Variants in SGCD observed in about 807,000 individuals in gnomAD.
SGCD encodes delta-sarcoglycan.
SGCD carries 18 observed loss-of-function variants against 36.6 expected under a neutral mutation model. The ratio of observed to expected loss-of-function variants is 0.49; its 90% CI spans 0.34 to 0.73. SGCD has a LOEUF of 0.73. Among genes scored for constraint, SGCD ranks in the 30% least tolerant of loss-of-function variants. SGCD has a pLI of 0.01. For synonymous variants in SGCD, 133 were observed against 130.6 expected (o/e 1.02, Z -0.12); for missense variants, 387 against 346.7 (o/e 1.12, Z -0.92).
At chr5:155,749,360 T>C in the SGCD span, among the ~76,000 whole-genome samples, 45 of 152,228 alleles carry the variant, frequency 3.0e-4, no homozygotes, top group African/African-American at 1.1e-3. Context: ...CATCAAGGTA[T>C]AACTCTTAGT....
At chr5:156,159,987 C>A (rs1000480499) in intron 3 of SGCD, among the ~76,000 whole-genome samples, 5 of 151,466 alleles carry the variant, frequency 3.3e-5, no homozygotes, top group African/African-American at 1.2e-4. Flanking sequence ...AAGAAAATAG[C>A]AAATTGTGGG....
intron 1 of SGCD, among the ~76,000 whole-genome samples, chr5:155,939,859 A>C (rs1357013838): frequency 7.1e-6 from 1 of 141,002 alleles, no homozygotes; most frequent in African/African-American, 2.7e-5. Context: ...TTTTTGACGG[A>C]GTCTCGCTCT....
chr5:156,369,188 T>C (rs1032911851), intron 3 of SGCD, among the ~76,000 whole-genome samples: 3 of 152,240 alleles, frequency 2.0e-5, no homozygotes, highest in Admixed American at 6.5e-5. Flanking sequence ...ATGATTTTTT[T>C]TCACCTACCC....
At chr5:155,780,881 T>C in the SGCD span, among the ~76,000 whole-genome samples, 2 of 152,164 alleles carry the variant, frequency 1.3e-5, no homozygotes, top group Admixed American at 1.3e-4. Flanking sequence ...GAGTCTGACA[T>C]TATCAAAATG....
chr5:156,018,403 G>A (rs1057424246), intron 1 of SGCD, among the ~76,000 whole-genome samples: 1 of 152,118 alleles, frequency 6.6e-6, no homozygotes, highest in Non-Finnish European at 1.5e-5. Context: ...TACAGCATGT[G>A]TTTAGAAACA....
intron 3 of SGCD, among the ~76,000 whole-genome samples, chr5:156,235,530 C>T (rs1410207921): frequency 6.6e-6 from 1 of 152,168 alleles, no homozygotes; most frequent in Non-Finnish European, 1.5e-5. Context: ...TTGCTGAGGA[C>T]AGATGTAGCC....
chr5:156,648,752 T>C (rs1023132700), intron 7 of SGCD, among the ~76,000 whole-genome samples: 1 of 152,204 alleles, frequency 6.6e-6, no homozygotes, highest in Non-Finnish European at 1.5e-5. Flanking sequence ...TTCTGTTAGC[T>C]AGTTCCTATG....
At chr5:156,733,591 C>T (rs1420972401) in intron 7 of SGCD, among the ~76,000 whole-genome samples, 1 of 152,018 alleles carries the variant, frequency 6.6e-6, no homozygotes, top group African/African-American at 2.4e-5. Context: ...CTAATATTGT[C>T]AGTGGGGTGT....
At position 156,724,952 on chromosome 5, in the gene SGCD, T is replaced by C. The variant is rs550399983; in HGVS notation, c.576-32629T>C. 2.6e-5 allele frequency among the ~76,000 whole-genome samples: 4 copies of C among 152,340 alleles called. 1 individual carries two copies. The highest frequency in any genetic ancestry group is 7.2e-5 in the African/African-American group (3 of 41,576). ...GGCAGTAAAATATAATGTAAGATGA[T>C]TGAAATTCCAGCATGCTCATTTTTC... On this transcript the variant is annotated intron_variant, in intron 7 of 8. Transcript: ENST00000337851.
At chr5:156,454,596 G>A (rs1408150285) in intron 3 of SGCD, among the ~76,000 whole-genome samples, 2 of 152,136 alleles carry the variant, frequency 1.3e-5, no homozygotes, top group African/African-American at 4.8e-5. Flanking sequence ...AGTACATACA[G>A]GATATAGGCA....
In SGCD at chr5:156,103,112, A is replaced by ATC. The variant is rs1175952544; in HGVS notation, c.-281-14764_-281-14763dup. On this transcript the variant is annotated intron_variant, in intron 1 of 9. Transcript: ENST00000517913. ...TATACAAGATTCATTAATTGGATTG[A>ATC]TCTTCCAGTAAATTTTAGCTACTGC... Among the ~76,000 whole-genome samples the ATC allele has an allele frequency of 5.3e-5, 8 of 152,302 alleles. No individual in the cohort carries two copies. The East Asian group carries it at 1.3e-3, about 26-fold the overall frequency.
At chr5:156,413,866 A>T (rs930213624) in intron 3 of SGCD, among the ~76,000 whole-genome samples, 1 of 152,048 alleles carries the variant, frequency 6.6e-6, no homozygotes, top group Non-Finnish European at 1.5e-5. Context: ...TTTTTGGAGT[A>T]GCAAGTGTCT....
chr5:156,639,504 C>T (rs1168313879), intron 6 of SGCD, among the ~76,000 whole-genome samples: 1 of 152,208 alleles, frequency 6.6e-6, no homozygotes, highest in African/African-American at 2.4e-5. Flanking sequence ...GGTTACTAAC[C>T]ACCGCTAGGC....
At chr5:156,617,684 C>A (rs1455783032) in intron 6 of SGCD, among the ~76,000 whole-genome samples, 2 of 152,060 alleles carry the variant, frequency 1.3e-5, no homozygotes, top group Non-Finnish European at 2.9e-5. Context: ...TTGGAAGTGC[C>A]CCAAAGCAAA....
intron 3 of SGCD, among the ~76,000 whole-genome samples, chr5:156,273,884 G>C (rs1442383020): frequency 6.6e-6 from 1 of 152,056 alleles, no homozygotes; most frequent in African/African-American, 2.4e-5. Flanking sequence ...GTTTTTTGTT[G>C]GGAGCGTAGG....
At chr5:156,295,915 A>G (rs762671496) in intron 3 of SGCD, among the ~76,000 whole-genome samples, 6 of 152,212 alleles carry the variant, frequency 3.9e-5, no homozygotes, top group Non-Finnish European at 5.9e-5. Context: ...GAAGCAATGT[A>G]TTACTTACAA....
chr5:156,385,714 C>G (rs1164372367), intron 3 of SGCD, among the ~76,000 whole-genome samples: 24 of 152,188 alleles, frequency 1.6e-4, no homozygotes, highest in Admixed American at 1.6e-3. Flanking sequence ...GGAGGGAAGG[C>G]AGACAGAATC....
intron 7 of SGCD, among the ~76,000 whole-genome samples, chr5:156,653,056 C>G (rs1485348383): frequency 6.6e-6 from 1 of 151,888 alleles, no homozygotes; most frequent in Admixed American, 6.6e-5. Context: ...CTGCAGATTT[C>G]TTTTTTGTTT....
At chr5:156,133,003 C>T (rs1164391677) in intron 3 of SGCD, among the ~76,000 whole-genome samples, 1 of 152,186 alleles carries the variant, frequency 6.6e-6, no homozygotes, top group African/African-American at 2.4e-5. Context: ...TGCCAGTATA[C>T]ACTGAGTCCC....
Sources: allele counts gnomAD v4.1 joint callset (sites outside exome capture counted in the v4.1 genomes callset), GRCh38; gene constraint gnomAD v4.1.1; transcripts MANE v1.5; gene names NCBI Gene and HGNC (gene_info 2026-07-23, HGNC 2026-07-21).